The following OVCA2 variants were observed in gnomAD, a reference collection of about 807,000 sequenced individuals.
OVCA2 encodes the protein OVCA2 serine hydrolase domain containing.
Under a neutral mutation model 10.1 loss-of-function variants are expected in OVCA2, and 14 were observed. The observed-to-expected ratio is 1.39, with a 90% CI of 0.92 to 2.17. OVCA2 has a LOEUF of 2.17. OVCA2 is among the 30% of genes most tolerant of loss of function. The pLI is 0.00. For missense variants in OVCA2, 376 were observed against 300.5 expected, an observed-to-expected ratio of 1.25 and a Z score of -1.86; for synonymous variants, 201 against 134.1, an observed-to-expected ratio of 1.50 and a Z score of -3.45.
Position 2,042,204 on chromosome 17 carries a change from G to T in OVCA2, c.157G>T (p.Gly53Cys). 1.4e-6 allele frequency: 2 copies of T among 1,432,532 alleles called. No individual in the cohort carries two copies. Among genetic ancestry groups the T allele is most frequent in the Admixed American group, 2.9e-5 (1 of 34,784 alleles). 88.7% of individuals were successfully genotyped at this position (1,432,532 alleles called of 1,614,324 possible). A position where few individuals can be genotyped will look rare whatever the true frequency, so the allele number is the denominator to read the frequency against. The change falls in exon 1 of 2, where the codon GGC (glycine) becomes TGC (cysteine). Residue 53 changes from glycine (G) to cysteine (C), a missense_variant. By Grantham distance (159) the Gly-to-Cys change is radical. Transcript: ENST00000572195. ...SGPHPVPDPPGPEGARSDFGS... is the reference protein window; with the variant it reads ...SGPHPVPDPPCPEGARSDFGS... ...CCCGCACCCGGTCCCCGACCCCCCG[G>T]GCCCCGAGGGCGCCAGATCAGACTT...
chr17:2,042,088 G>C lies in OVCA2; in HGVS notation c.41G>C (p.Gly14Ala), dbSNP rs1315095519. 1 of 1,567,030 alleles carries C rather than the reference G, an allele frequency of 6.4e-7. No individual in the cohort carries two copies. The highest frequency in any genetic ancestry group is 8.6e-7 in the Non-Finnish European group (1 of 1,166,060). ...CCCCTGCGGGTCCTGTGCCTGGCGG[G>C]CTTCCGGCAGAGCGAGCGGGGCTTC... ...QRPLRVLCLAGFRQSERGFRE... is the reference protein window; with the variant it reads ...QRPLRVLCLAAFRQSERGFRE... The change falls in exon 1 of 2, where the codon GGC (glycine) becomes GCC (alanine). Residue 14 changes from glycine to alanine, a missense_variant. Physicochemically the swap from Gly to Ala is moderately conservative, Grantham distance 60 (BLOSUM62 0). Coordinates refer to ENST00000572195, the MANE Select transcript of OVCA2 (RefSeq NM_080822.3).
Position 2,042,075 on chromosome 17 carries a change from C to T in OVCA2, c.28C>T (p.Leu10=), listed in dbSNP as rs769738680. Residue 10 remains leucine (L), a synonymous_variant, in exon 1 of 2, where the codon CTG becomes TTG. Transcript: ENST00000572195. The stretch of plus-strand genomic sequence containing the variant: ...GGCCGCGCAGCGACCCCTGCGGGTC[C>T]TGTGCCTGGCGGGCTTCCGGCAGAG... MAAQRPLRV[L]CLAGFRQSER... is the part of the protein sequence containing the mutation. The T allele has an allele frequency of 1.3e-6, 2 of 1,561,856 alleles. No individual in the cohort carries two copies. The highest frequency in any genetic ancestry group is 1.7e-6 in the Non-Finnish European group (2 of 1,163,254).
rs2067542966 is a variant in OVCA2 at position 2,042,080 on chromosome 17, C to T, written c.33C>T (p.Cys11=). The T allele has an allele frequency of 1.9e-6, 3 of 1,564,166 alleles. No homozygotes were observed. The highest frequency in any genetic ancestry group is 1.4e-5 in the African/African-American group (1 of 72,640). Reference sequence around the variant, plus strand: ...CGCAGCGACCCCTGCGGGTCCTGTGCCTGGCGGGCTTCCGGCAGAGCGAGC... The same window carrying T: ...CGCAGCGACCCCTGCGGGTCCTGTGTCTGGCGGGCTTCCGGCAGAGCGAGC... MAAQRPLRVL[C]LAGFRQSERG... is the part of the protein sequence containing the mutation. Residue 11 remains cysteine, a synonymous_variant, in exon 1 of 2, where the codon TGC becomes TGT. Coordinates refer to ENST00000572195, the MANE Select transcript of OVCA2 (RefSeq NM_080822.3).
rs2067549278 is a variant in OVCA2, at chr17:2,042,223, C to A, written c.176C>A (p.Ser59Ter). The change falls in exon 1 of 2, where the codon TCA (serine) becomes TAA (stop). Residue 59 changes from serine (S) to a stop codon, truncating the protein, a stop_gained. Coordinates refer to ENST00000572195, the MANE Select transcript of OVCA2 (RefSeq NM_080822.3). LOFTEE classifies it high-confidence loss of function. ...PDPPGPEGAR[S>*]DFGSCPPEEQ... ...CCCCCGGGCCCCGAGGGCGCCAGAT[C>A]AGACTTCGGTGAGACAAGCCCCGCT... The A allele has an allele frequency of 2.1e-6, 3 of 1,426,890 alleles. No individual in the cohort carries two copies. Among genetic ancestry groups the A allele is most frequent in the Non-Finnish European group, 2.7e-6 (3 of 1,097,920 alleles). The allele number at this position is 1,426,890 out of a possible 1,614,324, so 88.4% of individuals were successfully genotyped here.
chr17:2,042,469 CTCTCATTTCCCCCA>C (rs1184312059), intron 1 of OVCA2, 122 bp from the exon 2 acceptor site: 4 of 1,344,698 alleles, frequency 3.0e-6, no homozygotes, highest in East Asian at 5.2e-5. Flanking sequence ...CATTTCCCCC[CTCTCATTTCCCCCA>C]GACTTTTGCC....
In OVCA2 at chr17:2,042,955, G is replaced by A. The variant is rs1353351151; in HGVS notation, c.535G>A (p.Asp179Asn). The A allele has an allele frequency of 1.2e-6, 2 of 1,614,050 alleles. No individual in the cohort carries two copies. The highest frequency in any genetic ancestry group is 1.3e-5 in the African/African-American group (1 of 74,926). The change falls in exon 2 of 2, where the codon GAC becomes AAC. Residue 179 changes from aspartate (D) to asparagine (N), a missense_variant. Transcript: ENST00000572195. Reference protein sequence around the residue: ...LPSLHVFGDTDKVIPSQESVQ... With the variant: ...LPSLHVFGDTNKVIPSQESVQ... ...TTCGCTCCATGTTTTTGGGGACACT[G>A]ACAAAGTCATCCCCTCTCAGGAGAG...
In OVCA2 at chr17:2,042,215, C is replaced by G; in HGVS notation, c.168C>G (p.Gly56=). Reference sequence around the variant, plus strand: ...TCCCCGACCCCCCGGGCCCCGAGGGCGCCAGATCAGACTTCGGTGAGACAA... The same window carrying G: ...TCCCCGACCCCCCGGGCCCCGAGGGGGCCAGATCAGACTTCGGTGAGACAA... ...HPVPDPPGPE[G]ARSDFGSCPP... Residue 56 remains glycine, a synonymous_variant, in exon 1 of 2, where the codon GGC becomes GGG. Transcript: ENST00000572195. The G allele has an allele frequency of 1.4e-6, 2 of 1,428,938 alleles. No homozygotes were observed. Among genetic ancestry groups the G allele is most frequent in the South Asian group, 2.9e-5 (2 of 68,438 alleles). The allele number at this position is 1,428,938 out of a possible 1,614,324, so 88.5% of individuals were successfully genotyped here. A position where few individuals can be genotyped will look rare whatever the true frequency, so the allele number is the denominator to read the frequency against.
Position 2,042,066 on chromosome 17 carries a change from CTG to C in OVCA2, c.20_21del (p.Leu7ProfsTer17). MAAQRPLRVLCLAGFRQ... is the reference protein window; with the variant it reads MAAQRPXRVLCLAGFRQ... ...GGGCATAATGGCCGCGCAGCGACCC[CTG>C]CGGGTCCTGTGCCTGGCGGGCTTCC... On this transcript the variant is annotated frameshift_variant, in exon 1 of 2. Coordinates refer to ENST00000572195, the MANE Select transcript of OVCA2 (RefSeq NM_080822.3). LOFTEE classifies it high-confidence loss of function. The C allele has an allele frequency of 6.4e-7, 1 of 1,552,708 alleles. No homozygotes were observed.
rs955072576 is a variant in OVCA2 at position 2,042,043 on chromosome 17, G to T, written c.-5G>T. The T allele has an allele frequency of 5.3e-6, 8 of 1,518,962 alleles. No individual in the cohort carries two copies. The African/African-American group carries it at 1.1e-4, about 21-fold the overall frequency. The allele number at this position is 1,518,962 out of a possible 1,614,324, so 94.1% of individuals were successfully genotyped here. The stretch of plus-strand genomic sequence containing the variant: ...CGGTGCTTCCGTCGCTCCTTGCCGG[G>T]CATAATGGCCGCGCAGCGACCCCTG... On this transcript the variant is annotated 5_prime_UTR_variant, in exon 1 of 2. Transcript: ENST00000572195.
Position 2,042,862 on chromosome 17 carries a change from G to T in OVCA2, c.442G>T (p.Val148Leu), listed in dbSNP as rs766365678. The T allele has an allele frequency of 9.9e-6, 16 of 1,614,182 alleles. No individual in the cohort carries two copies. The highest frequency in any genetic ancestry group is 1.3e-5 in the Non-Finnish European group (15 of 1,180,030). The change falls in exon 2 of 2, where the codon GTG becomes TTG. Residue 148 changes from valine (V) to leucine (L), a missense_variant. Coordinates refer to ENST00000572195, the MANE Select transcript of OVCA2 (RefSeq NM_080822.3). ...RFPLPRFILL[V>L]SGFCPRGIGF... ...CCCCTTGCCACGGTTTATCCTCTTG[G>T]TGTCTGGTTTCTGTCCCCGGGGCAT...
At chr17:2,042,546 C>T (rs773865732) in intron 1 of OVCA2, 59 bp from the exon 2 acceptor site, 3 of 1,481,954 alleles carry the variant, frequency 2.0e-6, no homozygotes, top group East Asian at 2.4e-5. Flanking sequence ...TTTCTCATTT[C>T]TTTCCTTCCT....
In OVCA2 at chr17:2,042,763, C is replaced by G; in HGVS notation, c.343C>G (p.Leu115Val). The G allele has an allele frequency of 1.2e-6, 2 of 1,608,116 alleles. No homozygotes were observed. Among genetic ancestry groups the G allele is most frequent in the East Asian group, 4.5e-5 (2 of 44,824 alleles). ...ALNRLGPFDG[L>V]LGFSQGAALA... is the part of the protein sequence containing the mutation. Reference sequence around the variant, plus strand: ...GAACAGGCTGGGGCCTTTTGACGGCCTTCTTGGTTTCAGCCAAGGGGCTGC... The same window carrying G: ...GAACAGGCTGGGGCCTTTTGACGGCGTTCTTGGTTTCAGCCAAGGGGCTGC... Residue 115 changes from leucine (L) to valine (V), a missense_variant, in exon 2 of 2, where the codon CTT becomes GTT. Transcript: ENST00000572195.
rs1323176171 is a variant in OVCA2 at position 2,042,213 on chromosome 17, G to A, written c.166G>A (p.Gly56Ser). The A allele has an allele frequency of 1.3e-5, 18 of 1,431,564 alleles. No individual in the cohort carries two copies. The highest frequency in any genetic ancestry group is 1.8e-4 in the Middle Eastern group (1 of 5,456). 88.7% of individuals were successfully genotyped at this position (1,431,564 alleles called of 1,614,324 possible). A position where few individuals can be genotyped will look rare whatever the true frequency, so the allele number is the denominator to read the frequency against. Residue 56 changes from glycine to serine, a missense_variant, in exon 1 of 2, where the codon GGC (glycine) becomes AGC (serine). Gly to Ser is a moderately conservative substitution (Grantham distance 56). Transcript: ENST00000572195. ...GGTCCCCGACCCCCCGGGCCCCGAG[G>A]GCGCCAGATCAGACTTCGGTGAGAC... ...HPVPDPPGPE[G>S]ARSDFGSCPP...
chr17:2,042,103 A>T lies in OVCA2; in HGVS notation c.56A>T (p.Glu19Val). The T allele has an allele frequency of 6.4e-7, 1 of 1,569,222 alleles. No homozygotes were observed. Among genetic ancestry groups the T allele is most frequent in the Non-Finnish European group, 8.6e-7 (1 of 1,166,944 alleles). The change falls in exon 1 of 2, where the codon GAG becomes GTG. Residue 19 changes from glutamate to valine, a missense_variant. Physicochemically the swap from Glu to Val is moderately radical, Grantham distance 121. Coordinates refer to ENST00000572195, the MANE Select transcript of OVCA2 (RefSeq NM_080822.3). ...TGCCTGGCGGGCTTCCGGCAGAGCG[A>T]GCGGGGCTTCCGTGAGAAGACCGGG... is the stretch of plus-strand genomic sequence containing the variant. ...VLCLAGFRQS[E>V]RGFREKTGAL...
chr17:2,042,512 C>CT lies in OVCA2; in HGVS notation c.185-92dup, dbSNP rs1567549944. 12 of 1,454,164 alleles carry CT rather than the reference C, an allele frequency of 8.3e-6. No individual in the cohort carries two copies. The Admixed American group carries it at 3.1e-4, about 38-fold the overall frequency. The allele number at this position is 1,454,164 out of a possible 1,614,324, so 90.1% of individuals were successfully genotyped here. A position where few individuals can be genotyped will look rare whatever the true frequency, so the allele number is the denominator to read the frequency against. On this transcript the variant is annotated intron_variant, in intron 1 of 1. Coordinates refer to ENST00000572195, the MANE Select transcript of OVCA2 (RefSeq NM_080822.3). ...TTTTGCCTCGATTCCCTTTTTCTCT[C>CT]TGTCATCTCGAACCCTCCTGCCCTT... is the stretch of plus-strand genomic sequence containing the variant.
Position 2,043,218 on chromosome 17 carries a change from G to C in OVCA2, c.*114G>C, listed in dbSNP as rs1033047422. The C allele has an allele frequency of 4.7e-6, 6 of 1,281,564 alleles. No homozygotes were observed. The African/African-American group carries it at 8.9e-5, about 19-fold the overall frequency. 79.4% of individuals were successfully genotyped at this position (1,281,564 alleles called of 1,614,324 possible). Reference sequence around the variant, plus strand: ...CTGTGAGTGCGCCTCACCAGAACCAGTTAAGAGACAACTATCAATTCTTGA... The same window carrying C: ...CTGTGAGTGCGCCTCACCAGAACCACTTAAGAGACAACTATCAATTCTTGA... On this transcript the variant is annotated 3_prime_UTR_variant, in exon 2 of 2. Coordinates refer to ENST00000572195, the MANE Select transcript of OVCA2 (RefSeq NM_080822.3).
chr17:2,042,231 G>C lies in OVCA2; in HGVS notation c.184G>C (p.Gly62Arg), dbSNP rs926770062. 1.4e-6 allele frequency: 2 copies of C among 1,421,516 alleles called. No individual in the cohort carries two copies. Among genetic ancestry groups the C allele is most frequent in the African/African-American group, 1.5e-5 (1 of 66,114 alleles). The allele number at this position is 1,421,516 out of a possible 1,614,324, so 88.1% of individuals were successfully genotyped here. ...PGPEGARSDF[G>R]SCPPEEQPRG... is the part of the protein sequence containing the mutation. ...CCCCGAGGGCGCCAGATCAGACTTC[G>C]GTGAGACAAGCCCCGCTCCGGAAAC... Residue 62 changes from glycine (G) to arginine (R), a missense_variant and splice_region_variant, in exon 1 of 2, where the codon GGG becomes CGG. Gly to Arg is a moderately radical substitution (Grantham distance 125). Coordinates refer to ENST00000572195, the MANE Select transcript of OVCA2 (RefSeq NM_080822.3).
In OVCA2 at chr17:2,043,386, GCACCATGGTGACTGCCA is replaced by G; in HGVS notation, c.*285_*301del. ...GGTGACATGGGGAAGGCAGAGGCTGGCACCATGGTGACTGCCACATAATAAAGTGGTGATTTGGATTT... is the reference window on the plus strand; with the variant it reads ...GGTGACATGGGGAAGGCAGAGGCTGGCATAATAAAGTGGTGATTTGGATTT... On this transcript the variant is annotated 3_prime_UTR_variant, in exon 2 of 2. Transcript: ENST00000572195. 3 of 387,910 alleles carry G rather than the reference GCACCATGGTGACTGCCA, an allele frequency of 7.7e-6. No homozygotes were observed. The highest frequency in any genetic ancestry group is 1.4e-5 in the Non-Finnish European group (3 of 216,058). 24.0% of individuals were successfully genotyped at this position (387,910 alleles called of 1,614,324 possible).
rs376380406 is a variant in OVCA2, at chr17:2,043,149, G to A, written c.*45G>A. On this transcript the variant is annotated 3_prime_UTR_variant, in exon 2 of 2. Transcript: ENST00000572195. ...GCTCCTACATCCAGCTCCTCTAGGG[G>A]CAGCCTCCGTCATCCATGCCCTCCC... The A allele has an allele frequency of 5.1e-6, 8 of 1,583,830 alleles. No homozygotes were observed. The highest frequency in any genetic ancestry group is 1.7e-4 in the Middle Eastern group (1 of 5,976).
Sources: gnomAD v4.1 joint callset for allele counts on GRCh38, gnomAD v4.1.1 for gene constraint, MANE v1.5 for transcripts, NCBI Gene and HGNC (gene_info 2026-07-23, HGNC 2026-07-21) for gene names.